Variants in HHIP observed in about 807,000 individuals in gnomAD.
The protein encoded by HHIP is hedgehog interacting protein, also known as hedgehog-interacting protein.
In HHIP, 12 loss-of-function variants were observed where a neutral mutation model predicts 74.0. That is an observed-to-expected ratio of 0.16 (90% CI 0.10 to 0.26). The LOEUF is 0.26. Among genes scored for constraint, HHIP ranks in the 10% least tolerant of loss-of-function variants. The pLI is 1.00. For synonymous variants in HHIP, 309 were observed against 311.6 expected (o/e 0.99, Z 0.09); for missense variants, 788 against 845.0 (o/e 0.93, Z 0.84).
intron 4 of HHIP, among the ~76,000 whole-genome samples, chr4:144,699,457 C>T (rs965389604): frequency 2.6e-5 from 4 of 152,108 alleles, no homozygotes; most frequent in Non-Finnish European, 4.4e-5. Context: ...ATTACACAGA[C>T]ATGATTGATT....
chr4:144,675,878 GC>G (rs922994949), intron 4 of HHIP, among the ~76,000 whole-genome samples: 43 of 152,076 alleles, frequency 2.8e-4, no homozygotes, highest in African/African-American at 9.9e-4. Flanking sequence ...CATAAGCAAA[GC>G]CAGGCAGTCT....
intron 11 of HHIP, among the ~76,000 whole-genome samples, chr4:144,720,532 A>C (rs1730603338): frequency 6.6e-6 from 1 of 151,998 alleles, no homozygotes; most frequent in Admixed American, 6.6e-5. Flanking sequence ...ATCTATTATT[A>C]GTGTCTAATT....
intron 4 of HHIP, among the ~76,000 whole-genome samples, chr4:144,684,621 G>T (rs1258681253): frequency 1.3e-5 from 2 of 151,874 alleles, no homozygotes; most frequent in Non-Finnish European, 2.9e-5. Flanking sequence ...TTTGTACAAG[G>T]ATATTTTAAC....
chr4:144,663,160 G>T (rs1728760028), intron 4 of HHIP, among the ~76,000 whole-genome samples: 1 of 152,238 alleles, frequency 6.6e-6, no homozygotes, highest in Admixed American at 6.5e-5. Context: ...ATGGTGGCAT[G>T]CACCTGTAGT....
intron 7 of HHIP, among the ~76,000 whole-genome samples, chr4:144,710,052 T>C (rs1424311036): frequency 6.6e-6 from 1 of 152,116 alleles, no homozygotes; most frequent in Non-Finnish European, 1.5e-5. Context: ...CCAGAGAGTT[T>C]CACTGGCAGG....
chr4:144,721,729 C>A lies in HHIP; in HGVS notation c.1760+2773C>A, dbSNP rs180927417. Reference sequence around the variant, plus strand: ...TAGCCTGGCCAACCTGGTAAAAACTCCGTCTCTAGTAAAACTACAAAAAAT... The same window carrying A: ...TAGCCTGGCCAACCTGGTAAAAACTACGTCTCTAGTAAAACTACAAAAAAT... On this transcript the variant is annotated intron_variant, in intron 11 of 12. Coordinates refer to ENST00000296575, the MANE Select transcript of HHIP (RefSeq NM_022475.3). Among the ~76,000 whole-genome samples the A allele has an allele frequency of 1.7e-3, 256 of 151,870 alleles. 1 individual carries two copies. Among genetic ancestry groups the A allele is most frequent in the African/African-American group, 6.0e-3 (249 of 41,438 alleles).
At chr4:144,715,508 A>G in intron 10 of HHIP, 78 bp downstream of exon 10, 1 of 1,376,594 alleles carries the variant, frequency 7.3e-7, no homozygotes, top group East Asian at 2.3e-5. Context: ...TGAAGAATAA[A>G]TACAGCAATC....
chr4:144,732,939 G>A (rs994057666), intron 11 of HHIP, among the ~76,000 whole-genome samples: 2 of 152,158 alleles, frequency 1.3e-5, no homozygotes, highest in Non-Finnish European at 2.9e-5. Flanking sequence ...CCACTCAGTG[G>A]CCTATGACTC....
chr4:144,672,929 T>A (rs1445370325), intron 4 of HHIP, among the ~76,000 whole-genome samples: 1 of 152,178 alleles, frequency 6.6e-6, no homozygotes, highest in Non-Finnish European at 1.5e-5. Flanking sequence ...ACTCCAGACC[T>A]CAGGTGATTC....
chr4:144,680,335 A>G (rs1214799428), intron 4 of HHIP, among the ~76,000 whole-genome samples: 1 of 152,150 alleles, frequency 6.6e-6, no homozygotes, highest in Non-Finnish European at 1.5e-5. Context: ...TTTCTGCTTT[A>G]TTTCACCACC....
Position 144,681,424 on chromosome 4 carries a change from T to A in HHIP, c.831+21586T>A, listed in dbSNP as rs1023961728. The stretch of plus-strand genomic sequence containing the variant: ...AAGTCTATCGGATTGCAGAGTTCTT[T>A]TTTTTTTTTTTTTTTTTTTGAGACA... On this transcript the variant is annotated intron_variant, in intron 4 of 12. Coordinates refer to ENST00000296575, the MANE Select transcript of HHIP (RefSeq NM_022475.3). Among the ~76,000 whole-genome samples, 14 of 50,868 alleles carry A rather than the reference T, an allele frequency of 2.8e-4. No homozygotes were observed. The Admixed American group carries it at 2.8e-3, about 10-fold the overall frequency. 33.4% of individuals were successfully genotyped at this position (50,868 alleles called of 152,430 possible).
At chr4:144,656,809 T>C (rs1728570602) in intron 2 of HHIP, among the ~76,000 whole-genome samples, 1 of 152,184 alleles carries the variant, frequency 6.6e-6, no homozygotes, top group Non-Finnish European at 1.5e-5. Flanking sequence ...GTTTTTTTTT[T>C]CTTTTTACCT....
intron 4 of HHIP, among the ~76,000 whole-genome samples, chr4:144,684,103 T>A (rs1325235870): frequency 1.3e-5 from 2 of 150,680 alleles, no homozygotes; most frequent in East Asian, 4.0e-4. Context: ...CCAGTCGCAG[T>A]GACTCACGCC....
intron 11 of HHIP, among the ~76,000 whole-genome samples, chr4:144,728,043 G>A (rs1730848268): frequency 6.6e-6 from 1 of 152,194 alleles, no homozygotes; most frequent in Admixed American, 6.5e-5. Context: ...CTTGAAAAAT[G>A]TAAGTGGCTT....
chr4:144,652,783 G>T lies in HHIP; in HGVS notation c.458G>T (p.Arg153Leu). ...DYCKEFFYTC[R>L]GHIPGFLQTT... ...TGCAAAGAATTCTTTTACACTTGCC[G>T]AGGCCATATTCCAGGTAAGAAAAAA... is the stretch of plus-strand genomic sequence containing the variant. The change falls in exon 2 of 13, where the codon CGA becomes CTA. Residue 153 changes from arginine to leucine, a missense_variant. Physicochemically the swap from Arg to Leu is moderately radical, Grantham distance 102 (BLOSUM62 -2). This residue lies in a region of HHIP where 373 missense variants were observed against 366.4 expected (regional missense o/e 1.02). Transcript: ENST00000296575. The T allele has an allele frequency of 1.3e-5, 21 of 1,589,972 alleles. No individual in the cohort carries two copies. Among genetic ancestry groups the T allele is most frequent in the Non-Finnish European group, 1.8e-5 (21 of 1,172,166 alleles).
At chr4:144,647,323 C>A in intron 1 of HHIP, 1 of 193,282 alleles carries the variant, frequency 5.2e-6, no homozygotes. Flanking sequence ...CTGTGGTTTC[C>A]GGCTTATTTT....
chr4:144,670,451 C>T (rs1729001728), intron 4 of HHIP, among the ~76,000 whole-genome samples: 1 of 102,144 alleles, frequency 9.8e-6, no homozygotes, highest in Admixed American at 1.1e-4. Context: ...ACTGAAGAGA[C>T]TGTCAAAAAA....
In HHIP at chr4:144,740,952, G is replaced by A. The variant is rs1397551778; in HGVS notation, c.*2995G>A. On this transcript the variant is annotated 3_prime_UTR_variant, in exon 13 of 13. Coordinates refer to ENST00000296575, the MANE Select transcript of HHIP (RefSeq NM_022475.3). ...AAATAACCTTTCTACTACTGTTTCT[G>A]CCACACTGTTGTCCTGGTTCATAGA... 6.6e-6 allele frequency: 1 copy of A among 152,116 alleles called. No individual in the cohort carries two copies. The allele number at this position is 152,116 out of a possible 1,614,324, so 9.4% of individuals were successfully genotyped here. A position where few individuals can be genotyped will look rare whatever the true frequency, so the allele number is the denominator to read the frequency against.
At chr4:144,700,951 C>G (rs1403917621) in intron 4 of HHIP, among the ~76,000 whole-genome samples, 1 of 152,152 alleles carries the variant, frequency 6.6e-6, no homozygotes, top group Non-Finnish European at 1.5e-5. Context: ...TAGTTCCAGT[C>G]TAAGAGAAAG....
Sources: gnomAD v4.1 joint callset for allele counts (sites outside exome capture counted in the v4.1 genomes callset) on GRCh38, gnomAD v4.1.1 for gene constraint, gnomAD v4.1.1 regional missense constraint, MANE v1.5 for transcripts, NCBI Gene and HGNC (gene_info 2026-07-23, HGNC 2026-07-21) for gene names.